Variants in RNF17 observed in about 807,000 individuals in gnomAD.
The protein encoded by RNF17 is ring finger protein 17.
In RNF17, 31 loss-of-function variants were observed where a neutral mutation model predicts 200.5. That is an observed-to-expected ratio of 0.15 (90% CI 0.12 to 0.21). RNF17 has a LOEUF of 0.21. RNF17 is among the 10% of genes least tolerant of loss of function. RNF17 has a pLI of 1.00. For missense variants in RNF17, 1,628 were observed against 1,905.1 expected, an observed-to-expected ratio of 0.85 and a Z score of 2.71; for synonymous variants, 606 against 637.8, an observed-to-expected ratio of 0.95 and a Z score of 0.75.
upstream of RNF17, among the ~76,000 whole-genome samples, chr13:24,762,869 C>G (rs928945559): frequency 6.6e-6 from 1 of 152,176 alleles, no homozygotes; most frequent in African/African-American, 2.4e-5. Context: ...AACTCCTCAG[C>G]CTTACACTCG....
downstream of RNF17, among the ~76,000 whole-genome samples, chr13:24,881,898 ATATAGATATATAGATACATC>A: frequency 1.8e-5 from 2 of 113,164 alleles, no homozygotes; most frequent in African/African-American, 6.1e-5. Context: ...AGATACATCT[ATATAGATATATAGATACATC>A]TATATAGATA....
chr13:24,864,844 T>C, intron 28 of RNF17, 29 bp from the exon 29 acceptor site: 1 of 1,460,550 alleles, frequency 6.8e-7, no homozygotes, highest in Non-Finnish European at 9.4e-7. Flanking sequence ...AGTTTATTTT[T>C]ATGATTATCT....
At chr13:24,832,806 G>C (rs1214982690) in intron 18 of RNF17, among the ~76,000 whole-genome samples, 2 of 152,138 alleles carry the variant, frequency 1.3e-5, no homozygotes, top group East Asian at 3.8e-4. Flanking sequence ...ACAATGGTGT[G>C]AACAATGGCT....
At chr13:24,784,928 C>T (rs993774421) in intron 6 of RNF17, among the ~76,000 whole-genome samples, 6 of 152,018 alleles carry the variant, frequency 3.9e-5, no homozygotes, top group Admixed American at 6.6e-5. Flanking sequence ...AGGATGGTCT[C>T]GATCTCCTGA....
At chr13:24,768,168 A>G (rs1880031339) in intron 2 of RNF17, among the ~76,000 whole-genome samples, 1 of 152,244 alleles carries the variant, frequency 6.6e-6, no homozygotes, top group African/African-American at 2.4e-5. Flanking sequence ...CATAAGAATG[A>G]GAACAAATTA....
Position 24,788,107 on chromosome 13 carries a change from C to G in RNF17, c.731C>G (p.Ala244Gly), listed in dbSNP as rs760541687. 20 of 1,596,134 alleles carry G rather than the reference C, an allele frequency of 1.3e-5. No individual in the cohort carries two copies. In the South Asian group the frequency reaches 2.0e-4, roughly 16 times the overall value. The change falls in exon 7 of 36, where the codon GCA becomes GGA. Residue 244 changes from alanine to glycine, a missense_variant. By Grantham distance (60) the Ala-to-Gly change is moderately conservative. This residue lies in a region of RNF17 where 502 missense variants were observed against 501.7 expected (regional missense o/e 1.00). Coordinates refer to ENST00000255324, the MANE Select transcript of RNF17 (RefSeq NM_031277.3). ...KNNLNAAMNI[A>G]RALQLSPSLR... is the part of the protein sequence containing the mutation. ...AATTTGAATGCAGCTATGAACATAG[C>G]AAGAGCATTACAATTATCGCCTTCT...
downstream of RNF17, chr13:24,884,096 T>C: frequency 5.8e-6 from 2 of 346,032 alleles, no homozygotes; most frequent in Non-Finnish European, 8.1e-6. Context: ...GTTTAAAAAG[T>C]TGTTACAGTA....
chr13:24,816,411 G>T (rs1332600036), intron 15 of RNF17, among the ~76,000 whole-genome samples: 1 of 152,048 alleles, frequency 6.6e-6, no homozygotes, highest in South Asian at 2.1e-4. Context: ...TGCAGTGTGG[G>T]TCACTTGTTC....
At chr13:24,862,666 G>T in intron 27 of RNF17, 47 bp from the exon 28 acceptor site, 1 of 1,228,018 alleles carries the variant, frequency 8.1e-7, no homozygotes, top group South Asian at 1.2e-5. Flanking sequence ...TTCCTGCTCT[G>T]ATTTTATGAA....
intron 10 of RNF17, among the ~76,000 whole-genome samples, chr13:24,795,074 T>A (rs1884392061): frequency 6.6e-6 from 1 of 152,184 alleles, no homozygotes; most frequent in African/African-American, 2.4e-5. Flanking sequence ...TGTATGTGTT[T>A]ATCTTTTTAC....
chr13:24,797,705 A>AGTTTGTGTGTCTGTGTGTGCGT (rs59493601), intron 11 of RNF17, among the ~76,000 whole-genome samples: 3 of 119,048 alleles, frequency 2.5e-5, no homozygotes, highest in Non-Finnish European at 5.2e-5. Flanking sequence ...AGAGACAAAG[A>AGTTTGTGTGTCTGTGTGTGCGT]GTGTGTGTGT....
At chr13:24,884,358 C>T, downstream of RNF17, 1 of 1,614,154 alleles carries the variant, frequency 6.2e-7, no homozygotes, top group Non-Finnish European at 8.5e-7. Context: ...TTCACGTCAC[C>T]ATTAAAGAAA....
At chr13:24,834,950 C>G (rs971894490) in intron 18 of RNF17, among the ~76,000 whole-genome samples, 1 of 152,182 alleles carries the variant, frequency 6.6e-6, no homozygotes, top group South Asian at 2.1e-4. Context: ...CCATATTGCT[C>G]TCCACCTGGA....
At position 24,788,009 on chromosome 13, in the gene RNF17, A is replaced by T; in HGVS notation, c.633A>T (p.Glu211Asp). The change falls in exon 7 of 36, where the codon GAA becomes GAT. Residue 211 changes from glutamate to aspartate, a missense_variant. This residue lies in a region of RNF17 where 502 missense variants were observed against 501.7 expected (regional missense o/e 1.00). Transcript: ENST00000255324. ...GAAGGAAAAAGAACCTGTGTGAAGA[A>T]TTTGCAAGAACTACTGATGATTATC... ...FDSRKKNLCE[E>D]FARTTDDYLS... 6.4e-7 allele frequency: 1 copy of T among 1,562,234 alleles called. No individual in the cohort carries two copies. The highest frequency in any genetic ancestry group is 8.6e-7 in the Non-Finnish European group (1 of 1,161,586).
At chr13:24,827,718 C>CAAAAAAAAAAAA (rs1250308715) in intron 16 of RNF17, among the ~76,000 whole-genome samples, 1 of 54,632 alleles carries the variant, frequency 1.8e-5, no homozygotes. Context: ...AAAAAAAAAA[C>CAAAAAAAAAAAA]AAAAAAAAAA....
chr13:24,858,340 T>C (rs1375917837), intron 25 of RNF17, among the ~76,000 whole-genome samples: 1 of 152,228 alleles, frequency 6.6e-6, no homozygotes, highest in Admixed American at 6.5e-5. Flanking sequence ...TAGCCTGTTA[T>C]CTGCCAGGCA....
chr13:24,755,421 A>AT, the RNF17 span, among the ~76,000 whole-genome samples: 1 of 152,168 alleles, frequency 6.6e-6, no homozygotes, highest in African/African-American at 2.4e-5. Flanking sequence ...ATTCACACTG[A>AT]TTGGAACATA....
chr13:24,757,637 A>G, the RNF17 span, among the ~76,000 whole-genome samples: 5 of 152,174 alleles, frequency 3.3e-5, no homozygotes, highest in Non-Finnish European at 5.9e-5. Flanking sequence ...AATATTCTTA[A>G]GTATAAAGAA....
At chr13:24,840,211 C>CA (rs1324221106) in intron 18 of RNF17, among the ~76,000 whole-genome samples, 1 of 151,974 alleles carries the variant, frequency 6.6e-6, no homozygotes, top group Non-Finnish European at 1.5e-5. Flanking sequence ...TGGCCATAGT[C>CA]AAAAAATCAA....
Sources: gnomAD v4.1 joint callset for allele counts (sites outside exome capture counted in the v4.1 genomes callset) on GRCh38, gnomAD v4.1.1 for gene constraint, gnomAD v4.1.1 regional missense constraint, MANE v1.5 for transcripts, NCBI Gene and HGNC (gene_info 2026-07-23, HGNC 2026-07-21) for gene names.